Variants in SLC35D1 observed in about 807,000 individuals in gnomAD.
SLC35D1 encodes solute carrier family 35 member D1.
Under a neutral mutation model 46.7 loss-of-function variants are expected in SLC35D1, and 31 were observed. That is an observed-to-expected ratio of 0.66 (90% CI 0.50 to 0.90). SLC35D1 has a LOEUF of 0.90. Ranked by LOEUF, SLC35D1 falls within the 40% of genes least tolerant of loss-of-function variation. SLC35D1 has a pLI of 0.00. For missense variants in SLC35D1, 397 were observed against 426.2 expected, an observed-to-expected ratio of 0.93 and a Z score of 0.60; for synonymous variants, 195 against 164.6, an observed-to-expected ratio of 1.18 and a Z score of -1.41.
intron 8 of SLC35D1, among the ~76,000 whole-genome samples, chr1:67,034,778 T>C (rs1668088725): frequency 1.3e-5 from 2 of 152,194 alleles, no homozygotes; most frequent in Admixed American, 1.3e-4. Context: ...AAAAAGGCTT[T>C]CCATTTTTCC....
chr1:66,993,704 C>T, the SLC35D1 span, among the ~76,000 whole-genome samples: 1 of 152,072 alleles, frequency 6.6e-6, no homozygotes, highest in African/African-American at 2.4e-5. Context: ...GCTTGTTTCA[C>T]CTCTAAAACA....
chr1:66,984,613 G>T, the SLC35D1 span: 31 of 1,609,382 alleles, frequency 1.9e-5, no homozygotes, highest in Non-Finnish European at 2.3e-5. Context: ...AAACAAAGAG[G>T]AAGTAAAAGT....
chr1:67,050,616 TAC>T, intron 4 of SLC35D1, 112 bp from the exon 5 acceptor site: 1 of 868,694 alleles, frequency 1.2e-6, no homozygotes, highest in Non-Finnish European at 1.9e-6. Flanking sequence ...GGAAATTCCA[TAC>T]AAATTAATTT....
chr1:66,978,632 A>G, the SLC35D1 span, among the ~76,000 whole-genome samples: 14 of 152,240 alleles, frequency 9.2e-5, no homozygotes, highest in African/African-American at 3.1e-4. Flanking sequence ...GGGAAAAGCA[A>G]TAGTAACATC....
chr1:67,048,776 G>A (rs987187586), intron 6 of SLC35D1, among the ~76,000 whole-genome samples: 1 of 152,110 alleles, frequency 6.6e-6, no homozygotes, highest in Non-Finnish European at 1.5e-5. Flanking sequence ...AGGTCTGTGG[G>A]TATACATTTT....
At chr1:66,980,388 T>C in the SLC35D1 span, among the ~76,000 whole-genome samples, 1 of 152,244 alleles carries the variant, frequency 6.6e-6, no homozygotes, top group African/African-American at 2.4e-5. Flanking sequence ...CATGGTCATA[T>C]ACATTTCTGA....
chr1:66,995,433 T>TAAAAAAAAAAAAAA (rs541234514), downstream of SLC35D1, among the ~76,000 whole-genome samples: 5 of 35,808 alleles, frequency 1.4e-4, no homozygotes, highest in Admixed American at 4.7e-4. Context: ...CCTGCTACGC[T>TAAAAAAAAAAAAAA]AAAAAAAAAA....
At chr1:66,990,049 T>C in the SLC35D1 span, among the ~76,000 whole-genome samples, 1 of 152,194 alleles carries the variant, frequency 6.6e-6, no homozygotes, top group African/African-American at 2.4e-5. Flanking sequence ...TTTTTTATTA[T>C]TTTTGAAAGG....
the SLC35D1 span, chr1:66,987,125 A>G: frequency 2.0e-5 from 3 of 152,750 alleles, no homozygotes; most frequent in African/African-American, 4.8e-5. Context: ...AATACACCTA[A>G]TGAAAGACAT....
rs955224032 is a variant in SLC35D1 at position 67,054,139 on chromosome 1, C to T, written c.-126G>A. 18 of 935,022 alleles carry T rather than the reference C, an allele frequency of 1.9e-5. No individual in the cohort carries two copies. The highest frequency in any genetic ancestry group is 1.3e-4 in the East Asian group (5 of 37,138). The allele number at this position is 935,022 out of a possible 1,614,324, so 57.9% of individuals were successfully genotyped here. The stretch of plus-strand genomic sequence containing the variant: ...GCCAGCTGCGCGCTCGCCGCCTCGA[C>T]TCCCCGCTTGGCCGCCGCCTGTCCC... On this transcript the variant is annotated 5_prime_UTR_variant, in exon 1 of 12. Transcript: ENST00000235345.
chr1:66,976,235 C>T, the SLC35D1 span, among the ~76,000 whole-genome samples: 1 of 150,682 alleles, frequency 6.6e-6, no homozygotes, highest in Admixed American at 6.6e-5. Context: ...AACTCCTGAC[C>T]TCGTGATCCA....
chr1:67,027,706 G>A (rs1447472256), intron 8 of SLC35D1, among the ~76,000 whole-genome samples: 1 of 152,038 alleles, frequency 6.6e-6, no homozygotes, highest in Admixed American at 6.6e-5. Context: ...CTGCATTCCA[G>A]AAATTTTCCT....
At chr1:66,982,062 CAT>C in the SLC35D1 span, 1 of 749,146 alleles carries the variant, frequency 1.3e-6, no homozygotes, top group Non-Finnish European at 2.2e-6. Flanking sequence ...ATAACATCAG[CAT>C]ACATATATAC....
At chr1:67,042,668 A>G (rs1057069125) in intron 7 of SLC35D1, among the ~76,000 whole-genome samples, 5 of 152,216 alleles carry the variant, frequency 3.3e-5, no homozygotes, top group African/African-American at 1.2e-4. Flanking sequence ...ACACACACAC[A>G]GCAATATCAA....
rs900806551 is a variant in SLC35D1, at chr1:67,001,316, T to TA, written c.*3023dup. On this transcript the variant is annotated 3_prime_UTR_variant, in exon 12 of 12. Transcript: ENST00000235345. ...ACCAAAAGCGTGTAAATGCACTTTT[T>TA]AAAAAAAAAAACTAGGTGCAAACTG... 3.8e-4 allele frequency: 56 copies of TA among 146,908 alleles called. No homozygotes were observed. The highest frequency in any genetic ancestry group is 1.3e-3 in the South Asian group (6 of 4,672). 9.1% of individuals were successfully genotyped at this position (146,908 alleles called of 1,614,324 possible). A position where few individuals can be genotyped will look rare whatever the true frequency, so the allele number is the denominator to read the frequency against.
intron 10 of SLC35D1, among the ~76,000 whole-genome samples, chr1:67,018,293 G>T (rs1245194899): frequency 6.6e-6 from 1 of 152,146 alleles, no homozygotes; most frequent in Non-Finnish European, 1.5e-5. Context: ...ATAACAGGAC[G>T]TCATTTGAAT....
the SLC35D1 span, chr1:66,986,226 A>G: frequency 2.3e-6 from 3 of 1,285,616 alleles, no homozygotes; most frequent in Non-Finnish European, 2.9e-6. Context: ...TAAGATACAC[A>G]ATAATCATTG....
rs1200337697 is a variant in SLC35D1, at chr1:67,042,303, T to C, written c.662A>G (p.Tyr221Cys). Reference sequence around the variant, plus strand: ...CAGAATCATGAACAGTGCATTGTAATAGAGCAGTCCATATTTTCCCAGCTC... The same window carrying C: ...CAGAATCATGAACAGTGCATTGTAACAGAGCAGTCCATATTTTCCCAGCTC... ...SKELGKYGLL[Y>C]YNALFMILPT... Residue 221 changes from tyrosine to cysteine, a missense_variant, in exon 8 of 12, where the codon TAT becomes TGT. Coordinates refer to ENST00000235345, the MANE Select transcript of SLC35D1 (RefSeq NM_015139.3). 1.9e-6 allele frequency: 3 copies of C among 1,614,146 alleles called. No homozygotes were observed. Among genetic ancestry groups the C allele is most frequent in the Admixed American group, 1.7e-5 (1 of 60,024 alleles).
chr1:66,983,084 G>A, the SLC35D1 span, among the ~76,000 whole-genome samples: 1 of 152,164 alleles, frequency 6.6e-6, no homozygotes, highest in Admixed American at 6.5e-5. Context: ...CTAGGAAAGT[G>A]TTCATAAGTT....
Sources: gnomAD v4.1 joint callset for allele counts (sites outside exome capture counted in the v4.1 genomes callset) on GRCh38, gnomAD v4.1.1 for gene constraint, MANE v1.5 for transcripts, NCBI Gene and HGNC (gene_info 2026-07-23, HGNC 2026-07-21) for gene names.